CPLX2: variants seen among roughly 807,000 people sequenced by gnomAD.
The protein encoded by CPLX2 is complexin 2.
In CPLX2, 5 loss-of-function variants were observed where a neutral mutation model predicts 16.3. That is an observed-to-expected ratio of 0.31 (90% CI 0.16 to 0.64). CPLX2 has a LOEUF of 0.64. Among genes scored for constraint, CPLX2 ranks in the 30% least tolerant of loss-of-function variants. The pLI is 0.79. For synonymous variants in CPLX2, 89 were observed against 73.2 expected (o/e 1.22, Z -1.10); for missense variants, 144 against 181.4 (o/e 0.79, Z 1.18).
intron 1 of CPLX2, among the ~76,000 whole-genome samples, chr5:175,802,631 C>T (rs1439933234): frequency 6.6e-6 from 1 of 152,156 alleles, no homozygotes; most frequent in African/African-American, 2.4e-5. Flanking sequence ...AACACCTCTG[C>T]AGAGTAGGGC....
At chr5:175,873,130 C>A (rs867434632) in intron 1 of CPLX2, 2 of 146,988 alleles carry the variant, frequency 1.4e-5, no homozygotes, top group African/African-American at 5.0e-5. Context: ...CCCTCACCCC[C>A]CTTCCCGCGC....
At chr5:175,801,601 G>A (rs1758098001) in intron 1 of CPLX2, among the ~76,000 whole-genome samples, 2 of 152,182 alleles carry the variant, frequency 1.3e-5, no homozygotes, top group South Asian at 4.1e-4. Context: ...TTACCCTTGT[G>A]TGACTCGATG....
chr5:175,808,276 A>G (rs1205208410), intron 1 of CPLX2, among the ~76,000 whole-genome samples: 2 of 152,130 alleles, frequency 1.3e-5, no homozygotes, highest in African/African-American at 4.8e-5. Context: ...CATCCTAAAT[A>G]TGTGATACCA....
rs374027096 is a variant in CPLX2, at chr5:175,878,734, G to A, written c.-6G>A. ...GGGCTAAGGCACGCTAACCAGAGCC[G>A]GCGGCATGGACTTCGTCATGAAGCA... is the stretch of plus-strand genomic sequence containing the variant. On this transcript the variant is annotated 5_prime_UTR_variant, in exon 2 of 4. Transcript: ENST00000393745. 103 of 1,613,160 alleles carry A rather than the reference G, an allele frequency of 6.4e-5. No individual in the cohort carries two copies. The highest frequency in any genetic ancestry group is 8.4e-5 in the Non-Finnish European group (99 of 1,179,816).
In CPLX2 at chr5:175,845,336, C is replaced by T. The variant is rs1043612398; in HGVS notation, c.-88-33316C>T. Among the ~76,000 whole-genome samples the T allele has an allele frequency of 3.3e-5, 5 of 152,336 alleles. No individual in the cohort carries two copies. Among genetic ancestry groups the T allele is most frequent in the East Asian group, 3.9e-4 (2 of 5,180 alleles). On this transcript the variant is annotated intron_variant, in intron 2 of 4. Coordinates refer to the CPLX2 transcript ENST00000359546. This position sits in a 1 kb window ranked among gnomAD's most constrained non-coding sequence, Gnocchi z 4.0. Reference sequence around the variant, plus strand: ...AAGGCCCCACATCACCTGGCTCCTGCGGCCTCTCCGGCCTCATTTCCTCAA... The same window carrying T: ...AAGGCCCCACATCACCTGGCTCCTGTGGCCTCTCCGGCCTCATTTCCTCAA...
At chr5:175,850,272 G>A (rs773422194) in intron 2 of CPLX2, among the ~76,000 whole-genome samples, 4 of 152,200 alleles carry the variant, frequency 2.6e-5, no homozygotes, top group Admixed American at 6.5e-5. Flanking sequence ...CCCATGCAGG[G>A]CCCAGCAAGG....
chr5:175,803,434 G>A (rs546540565), intron 1 of CPLX2, among the ~76,000 whole-genome samples: 1 of 152,238 alleles, frequency 6.6e-6, no homozygotes, highest in Non-Finnish European at 1.5e-5. Context: ...AGGAGGATGA[G>A]GCTGTTTAAA....
At chr5:175,817,862 C>T (rs772923445) in intron 2 of CPLX2, among the ~76,000 whole-genome samples, 13 of 152,182 alleles carry the variant, frequency 8.5e-5, no homozygotes, top group Non-Finnish European at 2.9e-5. Flanking sequence ...GGACTGGGGA[C>T]ATGTGTCCCA....
chr5:175,810,100 G>A (rs868607328), intron 2 of CPLX2, among the ~76,000 whole-genome samples: 17 of 152,262 alleles, frequency 1.1e-4, no homozygotes, highest in South Asian at 4.1e-4. Context: ...GTGGGAGGGG[G>A]GCCTCCCATC....
chr5:175,867,034 C>A (rs930597966), upstream of CPLX2, among the ~76,000 whole-genome samples: 2 of 152,044 alleles, frequency 1.3e-5, no homozygotes, highest in African/African-American at 4.8e-5. Flanking sequence ...ATGATTGTAC[C>A]ACTGCACTCC....
At chr5:175,834,487 G>A (rs1431230008) in intron 2 of CPLX2, among the ~76,000 whole-genome samples, 3 of 152,162 alleles carry the variant, frequency 2.0e-5, no homozygotes, top group African/African-American at 4.8e-5. Context: ...CAACTTCAAC[G>A]TAACGCAATT....
At chr5:175,840,343 G>C (rs1329234732) in intron 2 of CPLX2, among the ~76,000 whole-genome samples, 2 of 152,160 alleles carry the variant, frequency 1.3e-5, no homozygotes, top group Non-Finnish European at 2.9e-5. Context: ...TAACAGATGT[G>C]ATAAAACAAG....
At chr5:175,831,055 C>T (rs756657892) in intron 2 of CPLX2, among the ~76,000 whole-genome samples, 1 of 151,870 alleles carries the variant, frequency 6.6e-6, no homozygotes, top group Non-Finnish European at 1.5e-5. Flanking sequence ...GGCATAAGTG[C>T]GTCTCTGTGT....
Position 175,880,154 on chromosome 5 carries a change from C to T in CPLX2, c.*109C>T. 1 of 1,197,370 alleles carries T rather than the reference C, an allele frequency of 8.4e-7. No homozygotes were observed. The highest frequency in any genetic ancestry group is 1.2e-6 in the Non-Finnish European group (1 of 824,126). 74.2% of individuals were successfully genotyped at this position (1,197,370 alleles called of 1,614,324 possible). ...TCTGAAGGGGAAAACCTCAGTTGGC[C>T]TCTGCCCCTCTTCCCTGGCCAGGGG... On this transcript the variant is annotated 3_prime_UTR_variant, in exon 4 of 4. Transcript: ENST00000393745.
At chr5:175,854,349 G>T (rs1759211653) in intron 2 of CPLX2, among the ~76,000 whole-genome samples, 1 of 152,112 alleles carries the variant, frequency 6.6e-6, no homozygotes, top group Non-Finnish European at 1.5e-5. Flanking sequence ...CCCAGCCTAG[G>T]TTTCCTCCAT....
At chr5:175,855,630 C>G (rs546696348) in intron 2 of CPLX2, among the ~76,000 whole-genome samples, 21 of 152,252 alleles carry the variant, frequency 1.4e-4, no homozygotes, top group African/African-American at 5.1e-4. Context: ...AGGCTCTTTC[C>G]ACACTGTGAC....
chr5:175,819,234 G>T (rs1332069327), intron 2 of CPLX2, among the ~76,000 whole-genome samples: 1 of 152,158 alleles, frequency 6.6e-6, no homozygotes, highest in Non-Finnish European at 1.5e-5. Flanking sequence ...AAAAACACAT[G>T]TACACATTTC....
intron 3 of CPLX2, among the ~76,000 whole-genome samples, chr5:175,879,314 T>G (rs1485852658): frequency 6.6e-6 from 1 of 152,232 alleles, no homozygotes; most frequent in Non-Finnish European, 1.5e-5. Context: ...GGGTGGACCC[T>G]ACGGTCCACC....
chr5:175,871,779 C>T (rs1000679338), intron 1 of CPLX2, 74 bp downstream of exon 1: 1 of 152,484 alleles, frequency 6.6e-6, no homozygotes, highest in Non-Finnish European at 1.5e-5. Flanking sequence ...GCCTCGAGGC[C>T]TTGGGGCAGC....
Sources: allele counts gnomAD v4.1 joint callset (sites outside exome capture counted in the v4.1 genomes callset), GRCh38; gene constraint gnomAD v4.1.1; non-coding constraint Gnocchi (gnomAD v3.1); transcripts MANE v1.5; gene names NCBI Gene and HGNC (gene_info 2026-07-23, HGNC 2026-07-21).